Variants in DLGAP2 observed in about 807,000 individuals in gnomAD.
DLGAP2 encodes disks large-associated protein 2.
A neutral mutation model predicts 100.3 loss-of-function variants in DLGAP2; 26 were observed. The ratio of observed to expected loss-of-function variants is 0.26; its 90% CI spans 0.19 to 0.36. The LOEUF (loss-of-function observed/expected upper bound fraction) is 0.36, where lower values mean the gene tolerates loss of function less well. Ranked by LOEUF, DLGAP2 falls within the 10% of genes least tolerant of loss-of-function variation. DLGAP2 has a pLI of 1.00. For synonymous variants in DLGAP2, 886 were observed against 630.1 expected (o/e 1.41, Z -6.08); for missense variants, 1,858 against 1,453.2 (o/e 1.28, Z -4.53).
At chr8:1,195,355 A>T (rs566576864) in intron 2 of DLGAP2, among the ~76,000 whole-genome samples, 1 of 152,364 alleles carries the variant, frequency 6.6e-6, no homozygotes, top group African/African-American at 2.4e-5. Flanking sequence ...GCCTGGCCAG[A>T]TGCACGCAGC....
At chr8:1,189,297 A>G (rs1279153063) in intron 2 of DLGAP2, among the ~76,000 whole-genome samples, 1 of 152,236 alleles carries the variant, frequency 6.6e-6, no homozygotes, top group Non-Finnish European at 1.5e-5. Flanking sequence ...TGTCAAGGCC[A>G]ACTGCAAGGG....
At chr8:1,650,320 A>G (rs536270438) in intron 8 of DLGAP2, among the ~76,000 whole-genome samples, 3 of 152,238 alleles carry the variant, frequency 2.0e-5, no homozygotes, top group African/African-American at 2.4e-5. Flanking sequence ...ATCATGTTCA[A>G]AAACTTTTGT....
At chr8:943,518 T>G (rs1799243126) in intron 2 of DLGAP2, among the ~76,000 whole-genome samples, 1 of 152,154 alleles carries the variant, frequency 6.6e-6, no homozygotes, top group South Asian at 2.1e-4. Flanking sequence ...AACCGCTGTG[T>G]ACAAGATCAT....
chr8:1,168,044 A>G (rs1355651579), intron 2 of DLGAP2, among the ~76,000 whole-genome samples: 1 of 77,242 alleles, frequency 1.3e-5, no homozygotes, highest in Non-Finnish European at 2.3e-5. Flanking sequence ...CCCCCACCCC[A>G]CAACAGTCCC....
At chr8:1,326,956 C>T (rs756493605) in intron 3 of DLGAP2, among the ~76,000 whole-genome samples, 10 of 152,228 alleles carry the variant, frequency 6.6e-5, no homozygotes, top group African/African-American at 9.7e-5. Flanking sequence ...CTTTAGCCAG[C>T]ATAAAATGTC....
chr8:981,770 A>G (rs941088840), intron 2 of DLGAP2, among the ~76,000 whole-genome samples: 4 of 152,160 alleles, frequency 2.6e-5, no homozygotes, highest in African/African-American at 7.2e-5. Context: ...TGGTTTGCTA[A>G]TGTGTTGTTG....
At chr8:783,968 G>A (rs1321092876) in intron 1 of DLGAP2, among the ~76,000 whole-genome samples, 1 of 152,230 alleles carries the variant, frequency 6.6e-6, no homozygotes, top group Non-Finnish European at 1.5e-5. Context: ...AGTGCTCAGT[G>A]ATTTCTGAAG....
chr8:1,586,140 G>A (rs1451763838), intron 6 of DLGAP2, among the ~76,000 whole-genome samples: 1 of 152,252 alleles, frequency 6.6e-6, no homozygotes, highest in Non-Finnish European at 1.5e-5. Flanking sequence ...GGGTTTCTCT[G>A]GGCTAAGGCC....
chr8:865,591 A>G (rs1797479177), intron 1 of DLGAP2, among the ~76,000 whole-genome samples: 1 of 151,910 alleles, frequency 6.6e-6, no homozygotes, highest in South Asian at 2.1e-4. Context: ...CAAATTGCTC[A>G]CCTCTCTCCA....
At chr8:1,583,543 A>G (rs1476622817) in intron 6 of DLGAP2, among the ~76,000 whole-genome samples, 1 of 152,210 alleles carries the variant, frequency 6.6e-6, no homozygotes, top group Non-Finnish European at 1.5e-5. Flanking sequence ...CTGATTAAGA[A>G]GCCTTTCAAA....
intron 2 of DLGAP2, among the ~76,000 whole-genome samples, chr8:995,784 G>A (rs1424038402): frequency 1.3e-5 from 2 of 152,138 alleles, no homozygotes. Context: ...CCATAAATTA[G>A]GTTCCCCCTG....
intron 6 of DLGAP2, among the ~76,000 whole-genome samples, chr8:1,566,425 G>C (rs1802403926): frequency 6.6e-6 from 1 of 152,140 alleles, no homozygotes; most frequent in Non-Finnish European, 1.5e-5. Context: ...TGAAAATATA[G>C]ACAGATAAAA....
chr8:1,248,996 C>G (rs1264303500), intron 2 of DLGAP2, among the ~76,000 whole-genome samples: 1 of 152,090 alleles, frequency 6.6e-6, no homozygotes, highest in Non-Finnish European at 1.5e-5. Flanking sequence ...AGCAGGACCC[C>G]GGGGACATCC....
chr8:1,112,528 C>T (rs569823023), intron 2 of DLGAP2, among the ~76,000 whole-genome samples: 2 of 152,246 alleles, frequency 1.3e-5, no homozygotes, highest in Non-Finnish European at 2.9e-5. Context: ...GCGTGAGCCA[C>T]CGCGCCCGGG....
chr8:871,747 G>C (rs1435301940), intron 1 of DLGAP2, among the ~76,000 whole-genome samples: 1 of 152,108 alleles, frequency 6.6e-6, no homozygotes, highest in Non-Finnish European at 1.5e-5. Flanking sequence ...CACGCATTTT[G>C]GGTAAGGGAC....
At chr8:755,569 G>C (rs1348997681) in intron 1 of DLGAP2, among the ~76,000 whole-genome samples, 5 of 152,214 alleles carry the variant, frequency 3.3e-5, no homozygotes, top group Non-Finnish European at 7.3e-5. Context: ...GCGGAGAAGC[G>C]GCATTTGAGG....
intron 1 of DLGAP2, among the ~76,000 whole-genome samples, chr8:789,174 T>A (rs1456117656): frequency 6.6e-6 from 1 of 152,230 alleles, no homozygotes; most frequent in African/African-American, 2.4e-5. Context: ...TTGTATTAGT[T>A]CTTTCTCACT....
intron 12 of DLGAP2, among the ~76,000 whole-genome samples, chr8:1,683,190 C>G (rs907042035): frequency 6.6e-6 from 1 of 151,636 alleles, no homozygotes; most frequent in African/African-American, 2.4e-5. Context: ...ACTCAGAGGT[C>G]TCAGCAATGC....
chr8:1,500,812 A>G (rs998903033), intron 3 of DLGAP2, among the ~76,000 whole-genome samples: 12 of 152,388 alleles, frequency 7.9e-5, no homozygotes, highest in African/African-American at 2.9e-4. Flanking sequence ...TGATCTCCCA[A>G]CAGAGGGAAA....
Sources: allele counts gnomAD v4.1 joint callset (sites outside exome capture counted in the v4.1 genomes callset), GRCh38; gene constraint gnomAD v4.1.1; transcripts MANE v1.5; gene names NCBI Gene and HGNC (gene_info 2026-07-23, HGNC 2026-07-21).